The following POLR2B variants were observed in gnomAD, a reference collection of about 807,000 sequenced individuals.
POLR2B encodes the protein DNA-directed RNA polymerase II subunit RPB2.
Under a neutral mutation model 144.6 loss-of-function variants are expected in POLR2B, and 57 were observed. The ratio of observed to expected loss-of-function variants is 0.39; its 90% CI spans 0.32 to 0.49. The LOEUF is 0.49. Ranked by LOEUF, POLR2B falls within the 20% of genes least tolerant of loss-of-function variation. POLR2B has a pLI of 0.83. For synonymous variants in POLR2B, 442 were observed against 469.8 expected, an observed-to-expected ratio of 0.94 and a Z score of 0.77; for missense variants, 595 against 1,467.4, an observed-to-expected ratio of 0.41 and a Z score of 9.71.
intron 3 of POLR2B, among the ~76,000 whole-genome samples, chr4:56,993,465 G>C (rs1486258307): frequency 2.0e-5 from 3 of 152,110 alleles, no homozygotes; most frequent in Admixed American, 6.5e-5. Context: ...CGTTCTCTTT[G>C]CCCTTTATCC....
At position 56,979,863 on chromosome 4, in the gene POLR2B, C is replaced by T. The variant is rs1578549708; in HGVS notation, c.19+859C>T. ...GCAGTGAGCTGAGATCGCACCACTACACCACAGCCTGAGTGACAGAGTTAG... is the reference window on the plus strand; with the variant it reads ...GCAGTGAGCTGAGATCGCACCACTATACCACAGCCTGAGTGACAGAGTTAG... On this transcript the variant is annotated intron_variant, in intron 1 of 24. Transcript: ENST00000314595. 2.0e-5 allele frequency among the ~76,000 whole-genome samples: 3 copies of T among 149,000 alleles called. No individual in the cohort carries two copies. In the Admixed American group the frequency reaches 2.0e-4, roughly 10 times the overall value.
At chr4:57,026,276 C>G (rs1398336903) in intron 23 of POLR2B, among the ~76,000 whole-genome samples, 1 of 151,888 alleles carries the variant, frequency 6.6e-6, no homozygotes, top group Non-Finnish European at 1.5e-5. Context: ...ACGGGGGTCT[C>G]ACTATGTTGC....
intron 2 of POLR2B, among the ~76,000 whole-genome samples, chr4:56,990,016 C>G (rs903220847): frequency 1.3e-5 from 2 of 152,138 alleles, no homozygotes; most frequent in African/African-American, 4.8e-5. Context: ...TTCTTCTTAT[C>G]CTACCTTTAA....
intron 1 of POLR2B, among the ~76,000 whole-genome samples, chr4:56,982,866 CTGT>C (rs1179584818): frequency 6.6e-6 from 1 of 152,076 alleles, no homozygotes; most frequent in Non-Finnish European, 1.5e-5. Flanking sequence ...GTTGTACCCT[CTGT>C]TGTTGAAACC....
In POLR2B at chr4:56,988,373, A is replaced by G. The variant is rs374219231; in HGVS notation, c.92+1947A>G. On this transcript the variant is annotated intron_variant, in intron 2 of 24. Coordinates refer to ENST00000314595, the MANE Select transcript of POLR2B (RefSeq NM_000938.3). ...CACAGGTAGAATTAAGAAATTTGAC[A>G]AAAAGTCTTGGCGAGGTGGCTCGCA... Among the ~76,000 whole-genome samples, 23 of 152,122 alleles carry G rather than the reference A, an allele frequency of 1.5e-4. No homozygotes were observed. In the East Asian group the frequency reaches 3.1e-3, roughly 21 times the overall value.
At chr4:56,979,639 T>A (rs1427123467) in intron 1 of POLR2B, among the ~76,000 whole-genome samples, 2 of 152,154 alleles carry the variant, frequency 1.3e-5, no homozygotes, top group East Asian at 1.9e-4. Flanking sequence ...TTCTTAGTAG[T>A]GGCCGAGCGC....
At chr4:56,997,536 C>T (rs1405008049) in intron 6 of POLR2B, among the ~76,000 whole-genome samples, 3 of 152,200 alleles carry the variant, frequency 2.0e-5, no homozygotes, top group Non-Finnish European at 4.4e-5. Flanking sequence ...GCATGAGCCA[C>T]CGCCCCTGAC....
rs1722621707 is a variant in POLR2B, at chr4:56,994,635, T to C, written c.357-12T>C. 6.3e-7 allele frequency: 1 copy of C among 1,578,262 alleles called. No homozygotes were observed. Among genetic ancestry groups the C allele is most frequent in the Non-Finnish European group, 8.7e-7 (1 of 1,147,850 alleles). ...CCTATTGCTTAACTGTGATCTACTT[T>C]TATTTTCAAAGGTATTCTGCTCCGC... On this transcript the variant is annotated splice_polypyrimidine_tract_variant and intron_variant, in intron 4 of 24. Coordinates refer to ENST00000314595, the MANE Select transcript of POLR2B (RefSeq NM_000938.3).
rs1443635475 is a variant in POLR2B at position 57,023,007 on chromosome 4, G to A, written c.2516-323G>A. Among the ~76,000 whole-genome samples, 1 of 152,134 alleles carries A rather than the reference G, an allele frequency of 6.6e-6. No individual in the cohort carries two copies. The highest frequency in any genetic ancestry group is 1.5e-5 in the Non-Finnish European group (1 of 68,030). On this transcript the variant is annotated intron_variant, in intron 18 of 24. Transcript: ENST00000314595. The surrounding 1 kb of genome is among the most constrained non-coding windows in gnomAD (Gnocchi z 4.3). ...AAATTTTTCTCCTGTACCCACTGAT[G>A]GCAGAGATATTCTTTCTCTTGTAAT...
Position 56,990,733 on chromosome 4 carries a change from C to G in POLR2B, c.93-15C>G. 1 of 1,594,212 alleles carries G rather than the reference C, an allele frequency of 6.3e-7. No homozygotes were observed. The highest frequency in any genetic ancestry group is 1.7e-4 in the Middle Eastern group (1 of 5,970). ...TCACTGAGTTGCAACTGACTGAACT[C>G]AAATATTTTCCCAGTTCCTATTTTG... On this transcript the variant is annotated splice_polypyrimidine_tract_variant and intron_variant, in intron 2 of 24. Transcript: ENST00000314595.
At chr4:56,981,050 G>A (rs531901016) in intron 1 of POLR2B, among the ~76,000 whole-genome samples, 1 of 152,210 alleles carries the variant, frequency 6.6e-6, no homozygotes, top group East Asian at 1.9e-4. Context: ...TGATTCACCT[G>A]CCTCGGCCTC....
At chr4:57,006,452 G>A (rs1723020846) in intron 9 of POLR2B, among the ~76,000 whole-genome samples, 1 of 152,166 alleles carries the variant, frequency 6.6e-6, no homozygotes, top group Non-Finnish European at 1.5e-5. Context: ...CTACAGGCGT[G>A]TGCCATCACA....
chr4:57,006,697 C>A (rs1270439658), intron 9 of POLR2B, 119 bp from the exon 10 acceptor site: 5 of 719,518 alleles, frequency 6.9e-6, no homozygotes, highest in African/African-American at 1.8e-5. Flanking sequence ...CAACAACTTT[C>A]ACTCTGCCCA....
At chr4:57,021,486 T>A (rs1479064163) in intron 17 of POLR2B, among the ~76,000 whole-genome samples, 1 of 33,966 alleles carries the variant, frequency 2.9e-5, no homozygotes, top group Non-Finnish European at 5.9e-5. Context: ...ATGTAAAAAC[T>A]TTTTTTTTTT....
At chr4:56,984,604 C>T (rs780939337) in intron 1 of POLR2B, among the ~76,000 whole-genome samples, 5 of 152,176 alleles carry the variant, frequency 3.3e-5, no homozygotes, top group Non-Finnish European at 7.3e-5. Context: ...CTTTTAATCT[C>T]TCATCAAAGC....
At chr4:56,979,990 T>A (rs150399038) in intron 1 of POLR2B, among the ~76,000 whole-genome samples, 55 of 152,220 alleles carry the variant, frequency 3.6e-4, no homozygotes, top group Non-Finnish European at 5.4e-4. Context: ...CCTTATTTTC[T>A]TATAGCTCTC....
intron 16 of POLR2B, among the ~76,000 whole-genome samples, chr4:57,020,181 G>A (rs1361277725): frequency 1.6e-4 from 24 of 152,076 alleles, no homozygotes; most frequent in Non-Finnish European, 2.5e-4. Context: ...CTGCAGGCGC[G>A]TGCCACCACG....
chr4:57,029,136 G>A (rs572929676), intron 23 of POLR2B, among the ~76,000 whole-genome samples: 2 of 152,150 alleles, frequency 1.3e-5, no homozygotes, highest in Non-Finnish European at 2.9e-5. Context: ...TAGCGTTTGA[G>A]TTTTTTGGCA....
intron 18 of POLR2B, among the ~76,000 whole-genome samples, chr4:57,023,000 C>T (rs28681160): frequency 0.075 from 11,434 of 152,128 alleles, 497 homozygotes; most frequent in African/African-American, 0.089. Context: ...CTCCTGTACC[C>T]ACTGATGGCA....
Sources: allele counts gnomAD v4.1 joint callset (sites outside exome capture counted in the v4.1 genomes callset), GRCh38; gene constraint gnomAD v4.1.1; non-coding constraint Gnocchi (gnomAD v3.1); transcripts MANE v1.5; gene names NCBI Gene and HGNC (gene_info 2026-07-23, HGNC 2026-07-21).